Variants in PPP2R2B observed in about 807,000 individuals in gnomAD.
PPP2R2B encodes serine/threonine-protein phosphatase 2A 55 kDa regulatory subunit B beta isoform.
PPP2R2B carries 5 observed loss-of-function variants against 46.0 expected under a neutral mutation model. The observed-to-expected ratio is 0.11, with a 90% confidence interval of 0.06 to 0.23. The LOEUF is 0.23. PPP2R2B is among the 10% of genes least tolerant of loss of function. The pLI, the probability that PPP2R2B is intolerant of heterozygous loss-of-function variation, is 1.00. For missense variants in PPP2R2B, 367 were observed against 575.0 expected, an observed-to-expected ratio of 0.64 and a Z score of 3.70; for synonymous variants, 215 against 206.7, an observed-to-expected ratio of 1.04 and a Z score of -0.34.
intron 2 of PPP2R2B, among the ~76,000 whole-genome samples, chr5:146,862,476 A>C (rs1224988367): frequency 1.3e-5 from 2 of 152,178 alleles, no homozygotes; most frequent in African/African-American, 4.8e-5. Context: ...GAAATGGGGA[A>C]AATATCTATA....
intron 1 of PPP2R2B, among the ~76,000 whole-genome samples, chr5:147,040,368 C>T (rs1756236160): frequency 6.6e-6 from 1 of 152,104 alleles, no homozygotes; most frequent in Non-Finnish European, 1.5e-5. Context: ...TCTAATTTAT[C>T]TGAATCAAAG....
At chr5:146,842,171 C>T (rs148167752) in intron 2 of PPP2R2B, among the ~76,000 whole-genome samples, 1 of 152,132 alleles carries the variant, frequency 6.6e-6, no homozygotes, top group Admixed American at 6.5e-5. Context: ...TCACTCCAAC[C>T]TTTACCTTCT....
chr5:146,765,928 T>A (rs1161312695), intron 2 of PPP2R2B, among the ~76,000 whole-genome samples: 1 of 152,226 alleles, frequency 6.6e-6, no homozygotes, highest in Non-Finnish European at 1.5e-5. Context: ...ATAGTCACTT[T>A]GGGAAAGTGT....
At chr5:147,023,220 G>A (rs955954709) in intron 1 of PPP2R2B, among the ~76,000 whole-genome samples, 9 of 152,030 alleles carry the variant, frequency 5.9e-5, no homozygotes, top group African/African-American at 1.4e-4. Context: ...AATATGCTGC[G>A]ACAAGTGTAT....
intron 2 of PPP2R2B, among the ~76,000 whole-genome samples, chr5:146,753,385 G>A (rs147152808): frequency 8.3e-4 from 127 of 152,302 alleles, no homozygotes; most frequent in African/African-American, 2.9e-3. Context: ...CTTACACAGA[G>A]CAGGACCTCA....
chr5:146,649,573 T>A (rs992694863), intron 6 of PPP2R2B, among the ~76,000 whole-genome samples: 4 of 152,068 alleles, frequency 2.6e-5, no homozygotes, highest in Non-Finnish European at 5.9e-5. Context: ...GCCTCCCAAG[T>A]AACTGGGACT....
intron 2 of PPP2R2B, among the ~76,000 whole-genome samples, chr5:147,064,731 G>T (rs1355363530): frequency 6.6e-6 from 1 of 152,092 alleles, no homozygotes; most frequent in African/African-American, 2.4e-5. Flanking sequence ...ACTATATAAG[G>T]TTGTTGCCAT....
chr5:146,600,268 T>C, intron 8 of PPP2R2B, 23 bp downstream of exon 8: 1 of 1,611,062 alleles, frequency 6.2e-7, no homozygotes. Flanking sequence ...TCAATATACC[T>C]ATGGGTGCCT....
chr5:147,046,356 C>T (rs974815749), intron 1 of PPP2R2B, among the ~76,000 whole-genome samples: 1 of 152,134 alleles, frequency 6.6e-6, no homozygotes, highest in African/African-American at 2.4e-5. Context: ...CTCCTGTTTG[C>T]TTTTTCTACT....
At chr5:146,863,894 T>C (rs1761156528) in intron 2 of PPP2R2B, among the ~76,000 whole-genome samples, 1 of 152,164 alleles carries the variant, frequency 6.6e-6, no homozygotes, top group African/African-American at 2.4e-5. Context: ...ACTGCTGAAA[T>C]GCAGACAGCC....
chr5:147,006,511 G>A lies in PPP2R2B; in HGVS notation c.79+49154C>T, dbSNP rs183694101. On this transcript the variant is annotated intron_variant, in intron 1 of 8. Coordinates refer to the PPP2R2B transcript ENST00000336640. ...AAAGCTCAAGTCCATCAATGCAGGG[G>A]CATACAACGAATACACCTACTTATA... 2.1e-3 allele frequency among the ~76,000 whole-genome samples: 326 copies of A among 152,240 alleles called. 1 individual carries two copies. The highest frequency in any genetic ancestry group is 7.6e-3 in the African/African-American group (315 of 41,546).
At chr5:146,875,633 GA>G (rs377752714) in intron 2 of PPP2R2B, among the ~76,000 whole-genome samples, 5 of 151,664 alleles carry the variant, frequency 3.3e-5, no homozygotes, top group East Asian at 1.9e-4. Flanking sequence ...TATTTTGGAG[GA>G]AAAAAAAGAA....
chr5:147,061,813 G>A (rs1008633735), intron 2 of PPP2R2B, among the ~76,000 whole-genome samples: 2 of 152,130 alleles, frequency 1.3e-5, no homozygotes, highest in South Asian at 2.1e-4. Context: ...TAAAAAGAAC[G>A]AAAGAAGGAA....
intron 1 of PPP2R2B, chr5:146,922,679 T>C (rs1763647365): frequency 6.6e-6 from 1 of 152,218 alleles, no homozygotes; most frequent in South Asian, 2.1e-4. Context: ...CCTTTACCCA[T>C]ATAGCCCATG....
intron 1 of PPP2R2B, chr5:146,917,891 C>A (rs1763450990): frequency 6.6e-6 from 1 of 152,134 alleles, no homozygotes; most frequent in African/African-American, 2.4e-5. Flanking sequence ...AGTAAAGTGC[C>A]AAGCAATCTG....
At chr5:146,728,559 C>T (rs1752025079) in intron 2 of PPP2R2B, among the ~76,000 whole-genome samples, 1 of 152,058 alleles carries the variant, frequency 6.6e-6, no homozygotes, top group Admixed American at 6.6e-5. Flanking sequence ...AAATAATCCT[C>T]CAACAGTTGG....
chr5:146,755,588 G>A (rs1284669151), intron 2 of PPP2R2B, among the ~76,000 whole-genome samples: 1 of 152,164 alleles, frequency 6.6e-6, no homozygotes. Flanking sequence ...TATTCCCAAA[G>A]AGCATCCAAA....
At chr5:147,062,345 C>T (rs368246421) in intron 2 of PPP2R2B, among the ~76,000 whole-genome samples, 58 of 152,216 alleles carry the variant, frequency 3.8e-4, no homozygotes, top group South Asian at 1.7e-3. Context: ...TGATGCATGA[C>T]GGTAGTAGTA....
chr5:147,006,377 A>C (rs1754442541), intron 1 of PPP2R2B, among the ~76,000 whole-genome samples: 1 of 152,184 alleles, frequency 6.6e-6, no homozygotes, highest in African/African-American at 2.4e-5. Context: ...TGGAATCCCA[A>C]ACTTACAAGG....
Sources: allele counts gnomAD v4.1 joint callset (sites outside exome capture counted in the v4.1 genomes callset), GRCh38; gene constraint gnomAD v4.1.1; transcripts MANE v1.5; gene names NCBI Gene and HGNC (gene_info 2026-07-23, HGNC 2026-07-21).